The following CIITA variants were observed in gnomAD, a reference collection of about 807,000 sequenced individuals.
CIITA encodes the protein MHC class II transactivator.
A neutral mutation model predicts 115.1 loss-of-function variants in CIITA; 72 were observed. The ratio of observed to expected loss-of-function variants is 0.63; its 90% confidence interval spans 0.52 to 0.76. The LOEUF (loss-of-function observed/expected upper bound fraction) is 0.76. Ranked by LOEUF, CIITA falls within the 30% of genes least tolerant of loss-of-function variation. CIITA has a pLI of 0.00. For synonymous variants in CIITA, 763 were observed against 635.6 expected (o/e 1.20, Z -3.02); for missense variants, 1,617 against 1,463.8 (o/e 1.10, Z -1.71).
At chr16:10,874,012 G>T (rs915047449), upstream of CIITA, among the ~76,000 whole-genome samples, 2 of 152,012 alleles carry the variant, frequency 1.3e-5, no homozygotes, top group African/African-American at 4.8e-5. Flanking sequence ...ATAGAGTCTC[G>T]CTCTGAAGCC....
intron 13 of CIITA, among the ~76,000 whole-genome samples, chr16:10,913,909 C>T (rs2039764954): frequency 6.8e-6 from 1 of 146,926 alleles, no homozygotes; most frequent in South Asian, 2.1e-4. Flanking sequence ...CCACTGCAGT[C>T]CAGCTTGGAT....
chr16:10,927,285 G>C lies in CIITA; in HGVS notation c.*3430G>C, dbSNP rs1339755468. ...GCCCCATTCTCCAACCCCATCACTA[G>C]TTTTATCTTTTTCACTTATTTATGC... On this transcript the variant is annotated 3_prime_UTR_variant, in exon 20 of 20. Coordinates refer to ENST00000324288, the MANE Select transcript of CIITA (RefSeq NM_000246.4). 6.6e-6 allele frequency: 1 copy of C among 152,168 alleles called. No individual in the cohort carries two copies. The highest frequency in any genetic ancestry group is 1.5e-5 in the Non-Finnish European group (1 of 68,044). The allele number at this position is 152,168 out of a possible 1,614,324, so 9.4% of individuals were successfully genotyped here.
chr16:10,901,629 C>T lies in CIITA; in HGVS notation c.481+71C>T, dbSNP rs2038765025. On this transcript the variant is annotated intron_variant, in intron 6 of 19. Coordinates refer to ENST00000324288, the MANE Select transcript of CIITA (RefSeq NM_000246.4). The surrounding 1 kb of genome is among the most constrained non-coding windows in gnomAD (Gnocchi z 6.8). The stretch of plus-strand genomic sequence containing the variant: ...GGGAGGGGATGGAAGAGATTGAACT[C>T]CTGGCCCAAGTCTGATGGGGATGGT... The T allele has an allele frequency of 5.3e-6, 8 of 1,503,676 alleles. No individual in the cohort carries two copies. In the South Asian group the frequency reaches 9.2e-5, roughly 17 times the overall value. 93.1% of individuals were successfully genotyped at this position (1,503,676 alleles called of 1,614,324 possible).
rs1310021692 is a variant in CIITA, at chr16:10,907,370, G to A, written c.1878G>A (p.Glu626=). Residue 626 remains glutamate (E), a synonymous_variant, in exon 11 of 20, where the codon GAG becomes GAA. Transcript: ENST00000324288. The surrounding 1 kb of genome is among the most constrained non-coding windows in gnomAD (Gnocchi z 5.0). ...GCCAGCTCTCAGAGGCCCTGCTGGA[G>A]CTTGGGGAGGACGCCAAGCTGCCCT... ...AVCQLSEALL[E]LGEDAKLPST... 17 of 1,613,468 alleles carry A rather than the reference G, an allele frequency of 1.1e-5. No individual in the cohort carries two copies. Among genetic ancestry groups the A allele is most frequent in the African/African-American group, 1.3e-5 (1 of 75,042 alleles).
intron 1 of CIITA, among the ~76,000 whole-genome samples, chr16:10,869,939 C>T (rs1029684803): frequency 6.6e-6 from 1 of 152,176 alleles, no homozygotes; most frequent in Admixed American, 6.5e-5. Flanking sequence ...ATACCTAGCA[C>T]AGGGCCTGAG....
intron 1 of CIITA, among the ~76,000 whole-genome samples, chr16:10,887,210 A>G (rs1304031403): frequency 1.3e-5 from 2 of 152,158 alleles, no homozygotes; most frequent in Non-Finnish European, 2.9e-5. Context: ...CCCCGGAAGC[A>G]GCTTGTCATG....
rs1003455043 is a variant in CIITA, at chr16:10,901,162, T to A, written c.437-352T>A. On this transcript the variant is annotated intron_variant, in intron 5 of 19. Transcript: ENST00000324288. The surrounding 1 kb of genome is among the most constrained non-coding windows in gnomAD (Gnocchi z 6.8). Reference sequence around the variant, plus strand: ...GGAACCACCACCCCCATTTCATAGATGTGAGATCAAAGGTTCAGAGAAGCT... The same window carrying A: ...GGAACCACCACCCCCATTTCATAGAAGTGAGATCAAAGGTTCAGAGAAGCT... Among the ~76,000 whole-genome samples, 1 of 152,154 alleles carries A rather than the reference T, an allele frequency of 6.6e-6. No individual in the cohort carries two copies. The highest frequency in any genetic ancestry group is 1.5e-5 in the Non-Finnish European group (1 of 68,022).
intron 10 of CIITA, among the ~76,000 whole-genome samples, chr16:10,905,592 C>G (rs1420862426): frequency 1.3e-5 from 2 of 151,910 alleles, no homozygotes; most frequent in African/African-American, 4.8e-5. Flanking sequence ...GAAACCCCGT[C>G]TCCATTAAAA....
At chr16:10,868,354 T>C (rs970884804) in intron 1 of CIITA, among the ~76,000 whole-genome samples, 1 of 152,166 alleles carries the variant, frequency 6.6e-6, no homozygotes, top group Non-Finnish European at 1.5e-5. Context: ...CAACTTAGCC[T>C]TCAGGGCATC....
intron 13 of CIITA, among the ~76,000 whole-genome samples, chr16:10,914,899 C>T (rs1349957730): frequency 6.6e-6 from 1 of 152,138 alleles, no homozygotes; most frequent in East Asian, 1.9e-4. Context: ...TGGCAGTGGT[C>T]GTCAGCTGGC....
At chr16:10,889,615 G>T (rs1239098368) in intron 1 of CIITA, among the ~76,000 whole-genome samples, 1 of 151,922 alleles carries the variant, frequency 6.6e-6, no homozygotes, top group Non-Finnish European at 1.5e-5. Flanking sequence ...TGCCTCCCAG[G>T]TTCAAGCGAT....
chr16:10,890,537 T>C (rs554254494), intron 1 of CIITA, among the ~76,000 whole-genome samples: 30 of 152,330 alleles, frequency 2.0e-4, no homozygotes, highest in Middle Eastern at 3.4e-3. Flanking sequence ...TACTCCTGCC[T>C]TGGACTCCCA....
intron 13 of CIITA, among the ~76,000 whole-genome samples, chr16:10,914,032 T>A (rs1319232325): frequency 6.6e-6 from 1 of 152,106 alleles, no homozygotes; most frequent in African/African-American, 2.4e-5. Context: ...TATTTCCATA[T>A]GATTCATTGT....
At chr16:10,877,051 G>A (rs982954993), upstream of CIITA, 1 of 578,192 alleles carries the variant, frequency 1.7e-6, no homozygotes, top group Non-Finnish European at 3.1e-6. Flanking sequence ...GTGTGGGGAG[G>A]GCTTAAGGGA....
chr16:10,908,590 G>C (rs1273823146), intron 11 of CIITA: 1 of 418,880 alleles, frequency 2.4e-6, no homozygotes, highest in Non-Finnish European at 4.5e-6. Context: ...ACTTGAATCT[G>C]ATTGTATCCC....
Position 10,902,687 on chromosome 16 carries a change from C to G in CIITA, c.658C>G (p.Leu220Val). ...MPFSSSSLSCLNLPEGPIQFV... is the reference protein window; with the variant it reads ...MPFSSSSLSCVNLPEGPIQFV... Reference sequence around the variant, plus strand: ...TTTCTCCAGTTCCTCGTTGAGCTGCCTGAATCTCCCTGAGGGACCCATCCA... The same window carrying G: ...TTTCTCCAGTTCCTCGTTGAGCTGCGTGAATCTCCCTGAGGGACCCATCCA... Residue 220 changes from leucine to valine, a missense_variant, in exon 8 of 20, where the codon CTG becomes GTG. Physicochemically the swap from Leu to Val is conservative, Grantham distance 32. Coordinates refer to ENST00000324288, the MANE Select transcript of CIITA (RefSeq NM_000246.4). The G allele has an allele frequency of 6.2e-7, 1 of 1,614,248 alleles. No homozygotes were observed. The highest frequency in any genetic ancestry group is 8.5e-7 in the Non-Finnish European group (1 of 1,180,050).
intron 13 of CIITA, among the ~76,000 whole-genome samples, chr16:10,911,654 C>A (rs1223941164): frequency 6.6e-6 from 1 of 151,976 alleles, no homozygotes; most frequent in Non-Finnish European, 1.5e-5. Flanking sequence ...TCCCTAGGCT[C>A]AAGTGATCCT....
At chr16:10,918,158 TATTTC>T (rs1307129295) in intron 15 of CIITA, among the ~76,000 whole-genome samples, 2 of 152,156 alleles carry the variant, frequency 1.3e-5, no homozygotes, top group Non-Finnish European at 2.9e-5. Flanking sequence ...TGCCAACACT[TATTTC>T]ATTATAGTGC....
rs578244624 is a variant in CIITA at position 10,941,466 on chromosome 16, G to A, written n.592G>A. 8.4e-7 allele frequency: 1 copy of A among 1,186,578 alleles called. No individual in the cohort carries two copies. Among genetic ancestry groups the A allele is most frequent in the African/African-American group, 1.6e-5 (1 of 64,240 alleles). 73.5% of individuals were successfully genotyped at this position (1,186,578 alleles called of 1,614,324 possible). ...CAGTTAGACCTGGAGGAGGTGAACG[G>A]AGGAGAAGCCTGAGGGAGGGGTGTG... On this transcript the variant is annotated non_coding_transcript_exon_variant, in exon 2 of 2. Transcript: ENST00000573379. This position sits in a 1 kb window ranked among gnomAD's most constrained non-coding sequence, Gnocchi z 6.4.
Sources: allele counts gnomAD v4.1 joint callset (sites outside exome capture counted in the v4.1 genomes callset), GRCh38; gene constraint gnomAD v4.1.1; non-coding constraint Gnocchi (gnomAD v3.1); transcripts MANE v1.5; gene names NCBI Gene and HGNC (gene_info 2026-07-23, HGNC 2026-07-21).